The following SH3RF1 variants were observed in gnomAD, a reference collection of about 807,000 sequenced individuals.
SH3RF1 encodes E3 ubiquitin-protein ligase SH3RF1.
SH3RF1 carries 32 observed loss-of-function variants against 74.0 expected under a neutral mutation model. The observed-to-expected ratio is 0.43, with a 90% CI of 0.33 to 0.58. The LOEUF is 0.58. SH3RF1 is among the 20% of genes least tolerant of loss of function. The pLI is 0.05. For missense variants in SH3RF1, 954 were observed against 1,130.9 expected (o/e 0.84, Z 2.24); for synonymous variants, 396 against 439.6 (o/e 0.90, Z 1.24).
At chr4:169,156,227 C>A (rs1209241515) in intron 3 of SH3RF1, among the ~76,000 whole-genome samples, 177 bp downstream of exon 3, 5 of 152,170 alleles carry the variant, frequency 3.3e-5, no homozygotes, top group Admixed American at 2.6e-4. Flanking sequence ...GAAGTCTGTG[C>A]ATAAAATTAC....
chr4:169,195,585 C>T lies in SH3RF1; in HGVS notation c.394-38906G>A, dbSNP rs575246426. Reference sequence around the variant, plus strand: ...AGTATTTAGAAATCTCGTACCATATCCTTTAGGTCTCTTAACCTTTCTTCT... The same window carrying T: ...AGTATTTAGAAATCTCGTACCATATTCTTTAGGTCTCTTAACCTTTCTTCT... On this transcript the variant is annotated intron_variant, in intron 2 of 11. Transcript: ENST00000284637. 5.3e-5 allele frequency among the ~76,000 whole-genome samples: 8 copies of T among 152,222 alleles called. No individual in the cohort carries two copies. The East Asian group carries it at 1.5e-3, about 29-fold the overall frequency.
intron 2 of SH3RF1, among the ~76,000 whole-genome samples, chr4:169,194,545 T>A (rs988814032): frequency 6.6e-6 from 1 of 152,212 alleles, no homozygotes; most frequent in African/African-American, 2.4e-5. Flanking sequence ...ATTACGTGTG[T>A]CAGTTTATTA....
At chr4:169,136,643 A>G (rs769937357) in intron 4 of SH3RF1, 23 bp from the exon 5 acceptor site, 2 of 1,477,300 alleles carry the variant, frequency 1.4e-6, no homozygotes, top group Non-Finnish European at 1.8e-6. Flanking sequence ...CCAACAAACC[A>G]ACACAAGAAG....
rs374059914 is a variant in SH3RF1, at chr4:169,222,292, C to T, written c.393+46528G>A. Among the ~76,000 whole-genome samples the T allele has an allele frequency of 2.8e-4, 42 of 151,972 alleles. 1 individual carries two copies. Among genetic ancestry groups the T allele is most frequent in the Middle Eastern group, 3.4e-3 (1 of 292 alleles). On this transcript the variant is annotated intron_variant, in intron 2 of 11. Coordinates refer to ENST00000284637, the MANE Select transcript of SH3RF1 (RefSeq NM_020870.4). ...CAGCCTGGCCAACATGGTGAAACCC[C>T]GTCTCTACTAAAAATACAAAAAATT...
intron 2 of SH3RF1, among the ~76,000 whole-genome samples, chr4:169,193,051 G>C (rs1021765501): frequency 1.3e-4 from 20 of 151,938 alleles, no homozygotes; most frequent in African/African-American, 4.8e-4. Flanking sequence ...ACCAAACATT[G>C]TATGTTCTCA....
intron 2 of SH3RF1, among the ~76,000 whole-genome samples, chr4:169,176,976 C>G (rs71622329): frequency 2.6e-5 from 4 of 152,126 alleles, no homozygotes; most frequent in East Asian, 1.9e-4. Flanking sequence ...CTATGTTGCC[C>G]GGGTTGGTCT....
rs1314792053 is a variant in SH3RF1, at chr4:169,170,791, TACAA to T, written c.394-14116_394-14113del. The stretch of plus-strand genomic sequence containing the variant: ...TCTAATCTGTCTGATCTGTCTGAAA[TACAA>T]CTTTTACCATCAGAGCATGTGTCTC... On this transcript the variant is annotated intron_variant, in intron 2 of 11. Coordinates refer to ENST00000284637, the MANE Select transcript of SH3RF1 (RefSeq NM_020870.4). 3.9e-5 allele frequency among the ~76,000 whole-genome samples: 6 copies of T among 152,288 alleles called. No individual in the cohort carries two copies. The East Asian group carries it at 1.2e-3, about 29-fold the overall frequency.
Position 169,215,272 on chromosome 4 carries a change from C to A in SH3RF1, c.393+53548G>T, listed in dbSNP as rs546574880. ...GATTACATTAATTGATTTTTCAATA[C>A]TGAACCAGCCTTGCATACTTAGGAT... On this transcript the variant is annotated intron_variant, in intron 2 of 11. Coordinates refer to ENST00000284637, the MANE Select transcript of SH3RF1 (RefSeq NM_020870.4). 7.9e-5 allele frequency among the ~76,000 whole-genome samples: 12 copies of A among 152,302 alleles called. No individual in the cohort carries two copies. In the South Asian group the frequency reaches 2.5e-3, roughly 32 times the overall value.
intron 2 of SH3RF1, among the ~76,000 whole-genome samples, chr4:169,208,180 A>G (rs1431940235): frequency 6.6e-6 from 1 of 150,568 alleles, no homozygotes; most frequent in African/African-American, 2.4e-5. Flanking sequence ...AGGAAACCAC[A>G]TTCCTTCACT....
intron 6 of SH3RF1, among the ~76,000 whole-genome samples, chr4:169,123,865 C>G (rs905515354): frequency 6.6e-5 from 10 of 151,752 alleles, no homozygotes; most frequent in African/African-American, 2.2e-4. Flanking sequence ...GCACTCCAAC[C>G]TGGGTGACAG....
intron 2 of SH3RF1, among the ~76,000 whole-genome samples, chr4:169,229,160 G>A (rs780827405): frequency 2.0e-5 from 3 of 151,854 alleles, no homozygotes; most frequent in Non-Finnish European, 2.9e-5. Context: ...CTTGTTCTGC[G>A]GCCCAGGCTG....
Position 169,156,455 on chromosome 4 carries a change from G to T in SH3RF1, c.618C>A (p.Asp206Glu). Residue 206 changes from aspartate to glutamate, a missense_variant, in exon 3 of 12, where the codon GAC becomes GAA. Asp to Glu is a conservative substitution (Grantham distance 45, BLOSUM62 2). This residue lies in a region of SH3RF1 where 854 missense variants were observed against 962.5 expected (regional missense o/e 0.89). Transcript: ENST00000284637. ...CTGCTTCCTTGTCTTTCACTTCAAA[G>T]TCATAAAGTGCTTTGCACTGAGGTG... ...QPPPQCKALY[D>E]FEVKDKEADK... 2 of 1,609,098 alleles carry T rather than the reference G, an allele frequency of 1.2e-6. No homozygotes were observed. The highest frequency in any genetic ancestry group is 1.7e-6 in the Non-Finnish European group (2 of 1,176,106).
chr4:169,137,273 C>T (rs1451644209), intron 4 of SH3RF1, among the ~76,000 whole-genome samples: 1 of 152,130 alleles, frequency 6.6e-6, no homozygotes, highest in Non-Finnish European at 1.5e-5. Flanking sequence ...CAGGGTAAGA[C>T]ATGAAATTCA....
chr4:169,249,664 C>T (rs1053737170), intron 2 of SH3RF1, among the ~76,000 whole-genome samples: 1 of 152,046 alleles, frequency 6.6e-6, no homozygotes, highest in South Asian at 2.1e-4. Flanking sequence ...GGATCCAATC[C>T]CCCCGTTGGA....
rs564566196 is a variant in SH3RF1 at position 169,163,829 on chromosome 4, T to C, written c.394-7150A>G. 3.7e-4 allele frequency among the ~76,000 whole-genome samples: 57 copies of C among 152,348 alleles called. No individual in the cohort carries two copies. The South Asian group carries it at 5.6e-3, about 15-fold the overall frequency. Reference sequence around the variant, plus strand: ...TCCCTCCACCTCCCCACCTTGTATATGTATCACGTGCCTGATAATTATGCT... The same window carrying C: ...TCCCTCCACCTCCCCACCTTGTATACGTATCACGTGCCTGATAATTATGCT... On this transcript the variant is annotated intron_variant, in intron 2 of 11. Coordinates refer to ENST00000284637, the MANE Select transcript of SH3RF1 (RefSeq NM_020870.4).
intron 4 of SH3RF1, among the ~76,000 whole-genome samples, chr4:169,146,215 T>C (rs1733889191): frequency 1.4e-5 from 2 of 142,778 alleles, no homozygotes; most frequent in African/African-American, 5.2e-5. Flanking sequence ...CTATATATTA[T>C]ATGTTTTATA....
chr4:169,172,268 T>C (rs1053646343), intron 2 of SH3RF1, among the ~76,000 whole-genome samples: 2 of 152,354 alleles, frequency 1.3e-5, no homozygotes, highest in Middle Eastern at 3.4e-3. Flanking sequence ...AAGGCAGTTA[T>C]CAATACTGGC....
At chr4:169,113,664 G>A (rs1273974811) in intron 10 of SH3RF1, among the ~76,000 whole-genome samples, 1 of 152,042 alleles carries the variant, frequency 6.6e-6, no homozygotes, top group Admixed American at 6.6e-5. Context: ...TAGATGTGAT[G>A]GAGAAATGTA....
chr4:169,109,584 A>AT (rs1371020112), intron 10 of SH3RF1, among the ~76,000 whole-genome samples: 7 of 152,046 alleles, frequency 4.6e-5, no homozygotes, highest in Admixed American at 1.3e-4. Context: ...GCATATTCTG[A>AT]TTTTTTCTAT....
Sources: allele counts gnomAD v4.1 joint callset (sites outside exome capture counted in the v4.1 genomes callset), GRCh38; gene constraint gnomAD v4.1.1; regional missense constraint gnomAD v4.1.1; transcripts MANE v1.5; gene names NCBI Gene and HGNC (gene_info 2026-07-23, HGNC 2026-07-21).